Variants in POLR1A observed in about 807,000 individuals in gnomAD.
POLR1A encodes RNA polymerase I subunit A, also known as DNA-directed RNA polymerase I subunit RPA1.
A neutral mutation model predicts 205.3 loss-of-function variants in POLR1A; 84 were observed. The ratio of observed to expected loss-of-function variants is 0.41; its 90% CI spans 0.34 to 0.49. The LOEUF is 0.49. Ranked by LOEUF, POLR1A falls within the 20% of genes least tolerant of loss-of-function variation. POLR1A has a pLI of 0.22. For missense variants in POLR1A, 1,645 were observed against 2,204.5 expected, an observed-to-expected ratio of 0.75 and a Z score of 5.08; for synonymous variants, 799 against 863.7, an observed-to-expected ratio of 0.93 and a Z score of 1.31.
chr2:86,052,178 C>T (rs1159125685), intron 16 of POLR1A, among the ~76,000 whole-genome samples: 3 of 152,182 alleles, frequency 2.0e-5, no homozygotes, highest in Non-Finnish European at 4.4e-5. Flanking sequence ...CTCCTGGGCT[C>T]AAGTGATCCA....
chr2:86,103,972 G>T (rs1673870070), intron 1 of POLR1A, among the ~76,000 whole-genome samples: 1 of 152,166 alleles, frequency 6.6e-6, no homozygotes, highest in Non-Finnish European at 1.5e-5. Flanking sequence ...GCGGTTTCTG[G>T]AATATGCAGG....
chr2:86,075,319 C>A, intron 11 of POLR1A, 59 bp from the exon 12 acceptor site: 1 of 1,220,066 alleles, frequency 8.2e-7, no homozygotes, highest in Non-Finnish European at 1.2e-6. Context: ...GTCTGATGGA[C>A]CCCAAATCTG....
chr2:86,027,836 C>T, intron 33 of POLR1A, 49 bp downstream of exon 33: 1 of 1,601,694 alleles, frequency 6.2e-7, no homozygotes, highest in Non-Finnish European at 8.6e-7. Context: ...GCCCGTGTGC[C>T]CAGAGTCGTC....
rs965020232 is a variant in POLR1A, at chr2:86,025,542, G to A, written c.*1881C>T. 2 of 152,284 alleles carry A rather than the reference G, an allele frequency of 1.3e-5. No individual in the cohort carries two copies. Among genetic ancestry groups the A allele is most frequent in the South Asian group, 4.1e-4 (2 of 4,836 alleles). 9.4% of individuals were successfully genotyped at this position (152,284 alleles called of 1,614,324 possible). ...ACAGGAATAAAACAGAGCTGCCCAG[G>A]AACCATGTGGATGGGTGGGGCAGGA... is the stretch of plus-strand genomic sequence containing the variant. On this transcript the variant is annotated 3_prime_UTR_variant, in exon 34 of 34. Coordinates refer to ENST00000263857, the MANE Select transcript of POLR1A (RefSeq NM_015425.6).
intron 9 of POLR1A, among the ~76,000 whole-genome samples, chr2:86,079,781 A>G (rs1673362572): frequency 1.3e-5 from 2 of 151,968 alleles, no homozygotes; most frequent in African/African-American, 4.8e-5. Flanking sequence ...CACCTGGTCT[A>G]AAACTCCTGG....
chr2:86,037,685 A>C (rs1323625639), intron 27 of POLR1A, among the ~76,000 whole-genome samples: 2 of 152,256 alleles, frequency 1.3e-5, no homozygotes, highest in Non-Finnish European at 2.9e-5. Flanking sequence ...GCAACAGATG[A>C]GAACCATCTG....
chr2:86,081,125 G>A lies in POLR1A; in HGVS notation c.924-147C>T, dbSNP rs551183921. 9.0e-5 allele frequency: 66 copies of A among 735,736 alleles called. No homozygotes were observed. In the East Asian group the frequency reaches 1.7e-3, roughly 19 times the overall value. The allele number at this position is 735,736 out of a possible 1,614,324, so 45.6% of individuals were successfully genotyped here. The stretch of plus-strand genomic sequence containing the variant: ...CTAACCAACATTCCGGCTGGGTGTG[G>A]TGGCTTAAGCCTGTAATCCCAGTAC... On this transcript the variant is annotated intron_variant, in intron 8 of 33. Transcript: ENST00000263857.
intron 14 of POLR1A, among the ~76,000 whole-genome samples, chr2:86,057,826 G>A (rs1672922733): frequency 6.6e-6 from 1 of 152,140 alleles, no homozygotes; most frequent in Non-Finnish European, 1.5e-5. Flanking sequence ...GTACCTATTA[G>A]GTACATGTCA....
In POLR1A at chr2:86,097,214, C is replaced by CAAAAA. The variant is rs757210116; in HGVS notation, c.432+1392_432+1396dup. On this transcript the variant is annotated intron_variant, in intron 3 of 33. Coordinates refer to ENST00000263857, the MANE Select transcript of POLR1A (RefSeq NM_015425.6). ...CATTAGGATGGCTATCCCCAAAAGA[C>CAAAAA]AAAAAAAAAAAAAAAAAAAAAAAAA... Among the ~76,000 whole-genome samples, 276 of 39,678 alleles carry CAAAAA rather than the reference C, an allele frequency of 7.0e-3. 47 individuals are homozygous for CAAAAA. Among genetic ancestry groups the CAAAAA allele is most frequent in the Non-Finnish European group, 7.7e-3 (184 of 23,782 alleles). The allele number at this position is 39,678 out of a possible 152,430, so 26.0% of individuals were successfully genotyped here. A position where few individuals can be genotyped will look rare whatever the true frequency, so the allele number is the denominator to read the frequency against.
At position 86,054,286 on chromosome 2, in the gene POLR1A, C is replaced by T; in HGVS notation, c.2062G>A (p.Val688Met). 6.2e-7 allele frequency: 1 copy of T among 1,613,684 alleles called. No individual in the cohort carries two copies. The highest frequency in any genetic ancestry group is 8.5e-7 in the Non-Finnish European group (1 of 1,179,704). ...ATTATATTTATGAGCAGCGTTGACA[C>T]AACCTGCAAAGAAAAAGAGGACAAA... ...PFPLWTGKQV[V>M]STLLINIIPE... Residue 688 changes from valine (V) to methionine (M), a missense_variant, in exon 15 of 34, where the codon GTG becomes ATG. By Grantham distance (21) the Val-to-Met change is conservative. This residue lies in a region of POLR1A where 339 missense variants were observed against 415.1 expected (regional missense o/e 0.82). Transcript: ENST00000263857.
At chr2:86,036,940 C>A (rs922345531) in intron 27 of POLR1A, 2 of 152,258 alleles carry the variant, frequency 1.3e-5, no homozygotes, top group Non-Finnish European at 1.5e-5. Context: ...GTAAAAAGAA[C>A]CCCAGCATGG....
chr2:86,029,930 A>G (rs1485876348), intron 31 of POLR1A, among the ~76,000 whole-genome samples: 6 of 152,072 alleles, frequency 3.9e-5, no homozygotes, highest in Non-Finnish European at 7.4e-5. Context: ...AAAAAACTCT[A>G]CTCAAATTAA....
At chr2:86,040,690 C>T in intron 24 of POLR1A, 131 bp from the exon 25 acceptor site, 1 of 632,828 alleles carries the variant, frequency 1.6e-6, no homozygotes, top group Non-Finnish European at 2.6e-6. Flanking sequence ...TTTTCCTAGG[C>T]AAAAGATCCC....
chr2:86,054,410 C>T, intron 14 of POLR1A, 121 bp from the exon 15 acceptor site: 1 of 911,718 alleles, frequency 1.1e-6, no homozygotes, highest in South Asian at 1.7e-5. Context: ...CCTTGCAATG[C>T]CATTTCTGAT....
intron 6 of POLR1A, among the ~76,000 whole-genome samples, chr2:86,087,241 T>A (rs759403095): frequency 2.4e-4 from 37 of 152,182 alleles, no homozygotes; most frequent in Non-Finnish European, 3.7e-4. Flanking sequence ...TATAACATTT[T>A]AAAAAAATAT....
intron 1 of POLR1A, among the ~76,000 whole-genome samples, chr2:86,101,834 T>A: frequency 6.6e-6 from 1 of 152,172 alleles, no homozygotes; most frequent in Non-Finnish European, 1.5e-5. Flanking sequence ...TTACTTTCTG[T>A]TTTGATTAAT....
chr2:86,038,675 T>C (rs371672479), intron 27 of POLR1A, 25 bp downstream of exon 27: 2 of 1,610,800 alleles, frequency 1.2e-6, no homozygotes, highest in South Asian at 1.1e-5. Flanking sequence ...TCAAGGTCAA[T>C]GACAATCACA....
In POLR1A at chr2:86,028,153, T is replaced by TA. The variant is rs781707545; in HGVS notation, c.4898-105dup. ...CCACATCAGCACATGGCTTGGGAGTTAGACTCTGGGGCTCCCCTTCAGCTC... is the reference window on the plus strand; with the variant it reads ...CCACATCAGCACATGGCTTGGGAGTTAAGACTCTGGGGCTCCCCTTCAGCTC... On this transcript the variant is annotated intron_variant, in intron 32 of 33. Transcript: ENST00000263857. The surrounding 1 kb of genome is among the most constrained non-coding windows in gnomAD (Gnocchi z 4.5). 4.5e-5 allele frequency: 50 copies of TA among 1,101,776 alleles called. No homozygotes were observed. Among genetic ancestry groups the TA allele is most frequent in the Non-Finnish European group, 5.6e-5 (41 of 728,784 alleles). 68.2% of individuals were successfully genotyped at this position (1,101,776 alleles called of 1,614,324 possible). A position where few individuals can be genotyped will look rare whatever the true frequency, so the allele number is the denominator to read the frequency against.
chr2:86,098,600 T>A lies in POLR1A; in HGVS notation c.432+11A>T. On this transcript the variant is annotated intron_variant, in intron 3 of 33. Coordinates refer to ENST00000263857, the MANE Select transcript of POLR1A (RefSeq NM_015425.6). ...CTTTTCTGATTTCTGTGACCACCAC[T>A]ACCCACCTACCCTGTTCAGAATTCT... 1 of 1,611,828 alleles carries A rather than the reference T, an allele frequency of 6.2e-7. No homozygotes were observed. The highest frequency in any genetic ancestry group is 8.5e-7 in the Non-Finnish European group (1 of 1,179,352).
Sources: allele counts gnomAD v4.1 joint callset (sites outside exome capture counted in the v4.1 genomes callset), GRCh38; gene constraint gnomAD v4.1.1; regional missense constraint gnomAD v4.1.1; non-coding constraint Gnocchi (gnomAD v3.1); transcripts MANE v1.5; gene names NCBI Gene and HGNC (gene_info 2026-07-23, HGNC 2026-07-21).